MALRD1: variants seen among roughly 807,000 people sequenced by gnomAD.
The protein encoded by MALRD1 is MAM and LDL-receptor class A domain-containing protein 1.
A neutral mutation model predicts 242.1 loss-of-function variants in MALRD1; 247 were observed. The observed-to-expected ratio is 1.02, with a 90% CI of 0.92 to 1.13. The LOEUF is 1.13. Ranked by LOEUF, MALRD1 falls within the 50% of genes most tolerant of loss-of-function variation. The pLI is 0.00. For synonymous variants in MALRD1, 995 were observed against 866.6 expected (o/e 1.15, Z -2.60); for missense variants, 2,989 against 2,533.1 (o/e 1.18, Z -3.86).
intron 1 of MALRD1, among the ~76,000 whole-genome samples, chr10:19,056,388 G>C (rs565705862): frequency 2.6e-5 from 4 of 151,482 alleles, no homozygotes; most frequent in African/African-American, 9.7e-5. Flanking sequence ...ATAGTTTTCA[G>C]TTTGCAGATA....
intron 14 of MALRD1, among the ~76,000 whole-genome samples, chr10:19,199,268 G>A (rs1836412289): frequency 6.6e-6 from 1 of 152,158 alleles, no homozygotes; most frequent in Non-Finnish European, 1.5e-5. Context: ...AATGTGTCCC[G>A]TGGTCATACA....
chr10:19,628,309 G>T (rs560038693), intron 36 of MALRD1, among the ~76,000 whole-genome samples: 1 of 152,130 alleles, frequency 6.6e-6, no homozygotes, highest in African/African-American at 2.4e-5. Flanking sequence ...CCAATCCTAG[G>T]AATGTAGCCT....
At chr10:19,321,630 A>C (rs7078104) in intron 21 of MALRD1, among the ~76,000 whole-genome samples, 3,117 of 152,208 alleles carry the variant, frequency 0.02, 57 homozygotes, top group African/African-American at 0.037. Flanking sequence ...TTTGTTAGAA[A>C]CATCTGAACT....
At chr10:19,593,866 G>C (rs1837941912) in intron 33 of MALRD1, among the ~76,000 whole-genome samples, 1 of 152,190 alleles carries the variant, frequency 6.6e-6, no homozygotes, top group African/African-American at 2.4e-5. Context: ...AGTTGGTTGG[G>C]TTTGAAGCAG....
chr10:19,134,924 T>C (rs1230125831), intron 9 of MALRD1, among the ~76,000 whole-genome samples: 1 of 152,118 alleles, frequency 6.6e-6, no homozygotes, highest in Non-Finnish European at 1.5e-5. Context: ...CAAATTGATA[T>C]CATTTCTGCA....
chr10:19,574,156 A>G (rs1836690917), intron 33 of MALRD1, among the ~76,000 whole-genome samples: 1 of 152,206 alleles, frequency 6.6e-6, no homozygotes, highest in East Asian at 1.9e-4. Context: ...GTTAATGAAT[A>G]GAGACTCCCA....
chr10:19,391,036 A>G (rs74118914), intron 28 of MALRD1, among the ~76,000 whole-genome samples: 203 of 152,236 alleles, frequency 1.3e-3, no homozygotes, highest in African/African-American at 4.8e-3. Context: ...GTTTGCTTTG[A>G]TTATTTGCTT....
chr10:19,634,201 A>AAAGTC (rs1483038457), intron 36 of MALRD1, among the ~76,000 whole-genome samples: 5 of 152,210 alleles, frequency 3.3e-5, no homozygotes, highest in Admixed American at 6.5e-5. Flanking sequence ...CTGAAATCAA[A>AAAGTC]AAGTTATTCC....
At chr10:19,659,031 C>CA (rs1401499551) in intron 36 of MALRD1, among the ~76,000 whole-genome samples, 3 of 151,928 alleles carry the variant, frequency 2.0e-5, no homozygotes, top group Non-Finnish European at 1.5e-5. Context: ...CCAAACGGAC[C>CA]AAAAAAATGA....
intron 36 of MALRD1, among the ~76,000 whole-genome samples, chr10:19,687,480 A>C (rs114844597): frequency 6.6e-6 from 1 of 152,048 alleles, no homozygotes; most frequent in Non-Finnish European, 1.5e-5. Context: ...CCCCACTTGC[A>C]CTGGTTTTCT....
chr10:19,529,416 G>A (rs1399021259), intron 31 of MALRD1, among the ~76,000 whole-genome samples: 1 of 151,810 alleles, frequency 6.6e-6, no homozygotes, highest in Non-Finnish European at 1.5e-5. Flanking sequence ...AATGTATATT[G>A]CAAATTCAAA....
At chr10:19,332,321 AT>A (rs1843413322) in intron 24 of MALRD1, among the ~76,000 whole-genome samples, 1 of 152,108 alleles carries the variant, frequency 6.6e-6, no homozygotes, top group Non-Finnish European at 1.5e-5. Flanking sequence ...GTTAAAAAAA[AT>A]CAACACCCTG....
chr10:19,698,942 A>G (rs1226338666), intron 38 of MALRD1, among the ~76,000 whole-genome samples: 2 of 152,120 alleles, frequency 1.3e-5, no homozygotes, highest in African/African-American at 4.8e-5. Flanking sequence ...CTAACACAGG[A>G]ACAGAAAACC....
intron 32 of MALRD1, among the ~76,000 whole-genome samples, chr10:19,559,499 A>G (rs1835869550): frequency 6.6e-6 from 1 of 152,140 alleles, no homozygotes; most frequent in African/African-American, 2.4e-5. Context: ...TTGAAATAGA[A>G]TATTTTAAAA....
chr10:19,294,007 G>C (rs1395303977), intron 21 of MALRD1, among the ~76,000 whole-genome samples: 1 of 152,124 alleles, frequency 6.6e-6, no homozygotes, highest in Non-Finnish European at 1.5e-5. Flanking sequence ...CAGAGAGTGA[G>C]TGGTTAGGTA....
At chr10:19,116,449 G>A (rs1446146447) in intron 5 of MALRD1, among the ~76,000 whole-genome samples, 1 of 152,074 alleles carries the variant, frequency 6.6e-6, no homozygotes, top group East Asian at 1.9e-4. Context: ...TTTCTTTTAA[G>A]AGACAGTAAC....
intron 18 of MALRD1, among the ~76,000 whole-genome samples, chr10:19,238,356 T>A (rs1317899145): frequency 2.3e-5 from 2 of 85,168 alleles, no homozygotes; most frequent in African/African-American, 9.6e-5. Flanking sequence ...ACATAATATA[T>A]AATACATAAT....
At chr10:19,598,519 A>AG (rs1270049078) in intron 34 of MALRD1, 1 of 151,850 alleles carries the variant, frequency 6.6e-6, no homozygotes, top group African/African-American at 2.4e-5. Flanking sequence ...TTTGGACATC[A>AG]GGTCAGCTCA....
intron 36 of MALRD1, among the ~76,000 whole-genome samples, chr10:19,687,014 T>C (rs1842609333): frequency 6.6e-6 from 1 of 151,802 alleles, no homozygotes; most frequent in Non-Finnish European, 1.5e-5. Flanking sequence ...AAAAAAATAA[T>C]AACGAGTGGA....
Sources: allele counts gnomAD v4.1 joint callset (sites outside exome capture counted in the v4.1 genomes callset), GRCh38; gene constraint gnomAD v4.1.1; transcripts MANE v1.5; gene names NCBI Gene and HGNC (gene_info 2026-07-23, HGNC 2026-07-21).